APLF: variants seen among roughly 807,000 people sequenced by gnomAD.
APLF encodes aprataxin and PNK-like factor.
Under a neutral mutation model 55.6 loss-of-function variants are expected in APLF, and 61 were observed. The ratio of observed to expected loss-of-function variants is 1.10; its 90% CI spans 0.89 to 1.36. The LOEUF (loss-of-function observed/expected upper bound fraction) is 1.36. Ranked by LOEUF, APLF falls within the 40% of genes most tolerant of loss-of-function variation. The pLI is 0.00. For synonymous variants in APLF, 207 were observed against 214.8 expected, an observed-to-expected ratio of 0.96 and a Z score of 0.32; for missense variants, 611 against 602.5, an observed-to-expected ratio of 1.01 and a Z score of -0.15.
intron 9 of APLF, among the ~76,000 whole-genome samples, chr2:68,575,977 T>A (rs1387432434): frequency 6.6e-6 from 1 of 152,106 alleles, no homozygotes; most frequent in Non-Finnish European, 1.5e-5. Context: ...AGGTTCCAGC[T>A]CTAAAATTTA....
Position 68,513,269 on chromosome 2 carries a change from A to C in APLF, c.489+42A>C, listed in dbSNP as rs746311411. 6.4e-6 allele frequency: 10 copies of C among 1,557,594 alleles called. No homozygotes were observed. The Admixed American group carries it at 1.8e-4, about 29-fold the overall frequency. On this transcript the variant is annotated intron_variant, in intron 4 of 9. Coordinates refer to ENST00000303795, the MANE Select transcript of APLF (RefSeq NM_173545.3). ...CTCATCCATTTATAACATGTTCTTC[A>C]AGTTATTATGAAGGCAGAAAAGACA...
intron 5 of APLF, among the ~76,000 whole-genome samples, chr2:68,517,261 AAT>A (rs1426279300): frequency 1.8e-4 from 19 of 107,784 alleles, no homozygotes; most frequent in African/African-American, 5.4e-4. Context: ...ATAATATATT[AAT>A]ATATGTCATT....
At chr2:68,574,887 G>A (rs1671580223) in intron 9 of APLF, among the ~76,000 whole-genome samples, 1 of 152,126 alleles carries the variant, frequency 6.6e-6, no homozygotes, top group Non-Finnish European at 1.5e-5. Flanking sequence ...AACTAAAGAT[G>A]TTCAGTAGTT....
chr2:68,527,649 C>T (rs1160174292), intron 6 of APLF, among the ~76,000 whole-genome samples: 2 of 151,286 alleles, frequency 1.3e-5, no homozygotes, highest in African/African-American at 4.9e-5. Context: ...CTCCTCACTT[C>T]CCAGACAGGG....
At chr2:68,558,842 C>T (rs1003651991) in intron 8 of APLF, among the ~76,000 whole-genome samples, 1 of 152,036 alleles carries the variant, frequency 6.6e-6, no homozygotes, top group African/African-American at 2.4e-5. Flanking sequence ...TGTTGTTCCC[C>T]CCAGTGTGTC....
chr2:68,517,042 A>G (rs1669611225), intron 5 of APLF, among the ~76,000 whole-genome samples: 1 of 124,482 alleles, frequency 8.0e-6, no homozygotes, highest in Non-Finnish European at 1.6e-5. Context: ...TATAATATAT[A>G]ATAACATGTT....
At position 68,529,362 on chromosome 2, in the gene APLF, G is replaced by A. The variant is rs1196249624; in HGVS notation, c.804+3120G>A. On this transcript the variant is annotated intron_variant, in intron 6 of 9. Transcript: ENST00000303795. This position sits in a 1 kb window ranked among gnomAD's most constrained non-coding sequence, Gnocchi z 4.4. ...GGTGCAGGAGCCGCGGGGTGAGCCC[G>A]GCCAGCTGGGAAGGCCTCACGGACA... is the stretch of plus-strand genomic sequence containing the variant. 13 of 1,305,956 alleles carry A rather than the reference G, an allele frequency of 1.0e-5. No homozygotes were observed. The highest frequency in any genetic ancestry group is 2.9e-4 in the Middle Eastern group (1 of 3,426). 80.9% of individuals were successfully genotyped at this position (1,305,956 alleles called of 1,614,324 possible).
chr2:68,578,627 T>A lies in APLF; in HGVS notation c.*605T>A, dbSNP rs1413453225. On this transcript the variant is annotated 3_prime_UTR_variant, in exon 10 of 10. Transcript: ENST00000303795. ...GGCTGTAGAAGAGAAATGTTCACCA[T>A]GTAGGGAATGTTATTTTGTGTTCCA... The A allele has an allele frequency of 1.0e-6, 1 of 985,242 alleles. No individual in the cohort carries two copies. The highest frequency in any genetic ancestry group is 1.7e-5 in the African/African-American group (1 of 57,240). 61.0% of individuals were successfully genotyped at this position (985,242 alleles called of 1,614,324 possible). A position where few individuals can be genotyped will look rare whatever the true frequency, so the allele number is the denominator to read the frequency against.
intron 7 of APLF, among the ~76,000 whole-genome samples, chr2:68,542,398 T>G (rs1489844469): frequency 6.6e-6 from 1 of 152,168 alleles, no homozygotes. Context: ...ATTTGCAAAT[T>G]ATATATCTGA....
chr2:68,577,956 A>T lies in APLF; in HGVS notation c.1470A>T (p.Glu490Asp), dbSNP rs777208483. 6.2e-7 allele frequency: 1 copy of T among 1,613,658 alleles called. No homozygotes were observed. The highest frequency in any genetic ancestry group is 2.2e-5 in the East Asian group (1 of 44,818). ...ATTCTGACTGGGAACCAGGAAAGGA[A>T]GATGAAGAGAAGGAAGATGTGGAAG... ...DEDSDWEPGKEDEEKEDVEEL... is the reference protein window; with the variant it reads ...DEDSDWEPGKDDEEKEDVEEL... The change falls in exon 10 of 10, where the codon GAA becomes GAT. Residue 490 changes from glutamate to aspartate, a missense_variant. Coordinates refer to ENST00000303795, the MANE Select transcript of APLF (RefSeq NM_173545.3).
intron 1 of APLF, among the ~76,000 whole-genome samples, chr2:68,480,211 G>A (rs781506715): frequency 6.6e-6 from 1 of 151,560 alleles, no homozygotes; most frequent in African/African-American, 2.4e-5. Context: ...TTTTGGTGGA[G>A]TCTTTAGGTT....
At chr2:68,488,255 C>G (rs144582725) in intron 1 of APLF, among the ~76,000 whole-genome samples, 1 of 151,658 alleles carries the variant, frequency 6.6e-6, no homozygotes, top group African/African-American at 2.4e-5. Flanking sequence ...TACTCTCAGC[C>G]GCATTTTTTG....
At chr2:68,561,971 C>T (rs1213452281) in intron 8 of APLF, among the ~76,000 whole-genome samples, 1 of 151,928 alleles carries the variant, frequency 6.6e-6, no homozygotes, top group African/African-American at 2.4e-5. Flanking sequence ...GTTTGTGTTG[C>T]AAATGATGGA....
At chr2:68,483,718 T>C (rs944774446) in intron 1 of APLF, among the ~76,000 whole-genome samples, 1 of 152,170 alleles carries the variant, frequency 6.6e-6, no homozygotes, top group African/African-American at 2.4e-5. Flanking sequence ...CTGTGTACTA[T>C]ATTTGTACTA....
intron 5 of APLF, among the ~76,000 whole-genome samples, chr2:68,517,664 CAAT>C (rs1245666272): frequency 7.1e-6 from 1 of 140,340 alleles, no homozygotes; most frequent in Non-Finnish European, 1.5e-5. Context: ...ATTAACGTAA[CAAT>C]AATATATCAC....
rs1676761801 is a variant in APLF, at chr2:68,502,764, G to A, written c.202G>A (p.Glu68Lys). The A allele has an allele frequency of 3.2e-6, 5 of 1,577,932 alleles. No homozygotes were observed. The highest frequency in any genetic ancestry group is 4.3e-6 in the Non-Finnish European group (5 of 1,168,402). ...AAATCCATGTTTTTACCAGTCTTCA[G>A]AGAAGAGTCAGCTCTTACCATTGAA... ...HTNPCFYQSS[E>K]KSQLLPLKPN... The change falls in exon 3 of 10, where the codon GAG becomes AAG. Residue 68 changes from glutamate (E) to lysine (K), a missense_variant. Glu to Lys is a moderately conservative substitution (Grantham distance 56). Transcript: ENST00000303795.
chr2:68,522,490 T>C (rs1669922938), intron 5 of APLF, among the ~76,000 whole-genome samples: 1 of 151,898 alleles, frequency 6.6e-6, no homozygotes, highest in African/African-American at 2.4e-5. Flanking sequence ...GTATTTTTCT[T>C]TATGTATGCC....
At chr2:68,470,108 G>C (rs966948361) in intron 1 of APLF, among the ~76,000 whole-genome samples, 9 of 152,186 alleles carry the variant, frequency 5.9e-5, no homozygotes, top group African/African-American at 2.2e-4. Context: ...CCAGGTCTTT[G>C]TTTACTAGAT....
chr2:68,546,656 A>G (rs985341106), intron 8 of APLF, among the ~76,000 whole-genome samples: 1 of 151,874 alleles, frequency 6.6e-6, no homozygotes, highest in Non-Finnish European at 1.5e-5. Context: ...TAGAAAAGCC[A>G]TCTCCATAGA....
Sources: allele counts gnomAD v4.1 joint callset (sites outside exome capture counted in the v4.1 genomes callset), GRCh38; gene constraint gnomAD v4.1.1; non-coding constraint Gnocchi (gnomAD v3.1); transcripts MANE v1.5; gene names NCBI Gene and HGNC (gene_info 2026-07-23, HGNC 2026-07-21).